Variants in HEPH observed in about 807,000 individuals in gnomAD.
The protein encoded by HEPH is hephaestin.
Under a neutral mutation model 80.8 loss-of-function variants are expected in HEPH, and 69 were observed. The ratio of observed to expected loss-of-function variants is 0.85; its 90% CI spans 0.70 to 1.04. The LOEUF is 1.04. HEPH is among the 50% of genes least tolerant of loss of function. HEPH has a pLI of 0.00. For synonymous variants in HEPH, 431 were observed against 322.8 expected (o/e 1.34, Z -3.60); for missense variants, 1,115 against 891.3 (o/e 1.25, Z -3.20).
At chrX:66,245,049 G>A (rs1189314082) in intron 15 of HEPH, among the ~76,000 whole-genome samples, 1 of 111,256 alleles carries the variant, frequency 9.0e-6, no homozygotes, top group East Asian at 2.8e-4. Flanking sequence ...AGACCATCAA[G>A]GCTAGGAAGA....
chrX:66,241,566 T>C, intron 15 of HEPH, among the ~76,000 whole-genome samples: 1 of 111,853 alleles, frequency 8.9e-6, no homozygotes, highest in African/African-American at 3.2e-5. Context: ...ATAACTATCC[T>C]AAACATAAAT....
chrX:66,178,732 A>G (rs1339267628), intron 4 of HEPH, among the ~76,000 whole-genome samples: 5 of 112,495 alleles, frequency 4.4e-5, no homozygotes, highest in African/African-American at 1.6e-4. Context: ...TTTTGGCTGC[A>G]TAAATGTCTT....
Position 66,203,375 on chromosome X carries a change from A to C in HEPH, c.2089A>C (p.Ile697Leu), listed in dbSNP as rs34562897. ...TGATCCTCCCTCAGGGACATTTGAG[A>C]TTTATTGCCAGGCAGGCAGCCATCG... ...MQPDNLGTFE[I>L]YCQAGSHREA... Residue 697 changes from isoleucine to leucine, a missense_variant, in exon 13 of 21, where the codon ATT becomes CTT. Physicochemically the swap from Ile to Leu is conservative, Grantham distance 5 (BLOSUM62 2). Transcript: ENST00000343002. The C allele has an allele frequency of 1.5e-3, 1,790 of 1,207,501 alleles. 5 individuals are homozygous for C. Among genetic ancestry groups the C allele is most frequent in the Non-Finnish European group, 1.8e-3 (1,590 of 894,367 alleles).
intron 9 of HEPH, 145 bp downstream of exon 9, chrX:66,195,374 A>C (rs1014934113): frequency 9.8e-5 from 37 of 377,817 alleles, no homozygotes; most frequent in Non-Finnish European, 1.4e-4. Context: ...ATAATATAAT[A>C]GTAAAACAGA....
chrX:66,222,618 A>T (rs780394918), intron 15 of HEPH, among the ~76,000 whole-genome samples: 1 of 112,008 alleles, frequency 8.9e-6, no homozygotes, highest in Non-Finnish European at 1.9e-5. Context: ...GGTCCACAGA[A>T]TGTTGGGCCA....
At chrX:66,207,044 A>T (rs912427675) in intron 13 of HEPH, 151 bp from the exon 14 acceptor site, 24 of 288,994 alleles carry the variant, frequency 8.3e-5, no homozygotes, top group East Asian at 2.2e-4. Context: ...AAATAAATTT[A>T]AAAAAAAGAA....
chrX:66,257,382 G>C (rs931265727), intron 17 of HEPH, among the ~76,000 whole-genome samples: 18 of 111,895 alleles, frequency 1.6e-4, no homozygotes, highest in African/African-American at 5.8e-4. Flanking sequence ...GTTTCTGAGT[G>C]CTAGCCCTGG....
chrX:66,264,382 C>T (rs1274662402), intron 20 of HEPH, among the ~76,000 whole-genome samples: 1 of 108,784 alleles, frequency 9.2e-6, no homozygotes, highest in African/African-American at 3.3e-5. Context: ...AGACTAGTTC[C>T]AACACCATAT....
At position 66,255,045 on chromosome X, in the gene HEPH, C is replaced by T; in HGVS notation, c.2574C>T (p.Val858=). The change falls in exon 16 of 21, where the codon GTC becomes GTT. Residue 858 remains valine, a synonymous_variant. Coordinates refer to ENST00000343002, the MANE Select transcript of HEPH (RefSeq NM_001367233.3). ...TTGTTACACTTCTAGGTGAGGTGGT[C>T]ACTTATCAGTGGAACATCCCAGAGA... ...WPLAAEPGEV[V]TYQWNIPERS... is the part of the protein sequence containing the mutation. The T allele has an allele frequency of 1.7e-6, 2 of 1,197,283 alleles. No individual in the cohort carries two copies. Among genetic ancestry groups the T allele is most frequent in the East Asian group, 6.0e-5 (2 of 33,554 alleles).
chrX:66,246,867 G>T (rs1387008001), intron 15 of HEPH, among the ~76,000 whole-genome samples: 1 of 112,037 alleles, frequency 8.9e-6, no homozygotes. Flanking sequence ...TGTGAGAGTG[G>T]AGTACATGAG....
At chrX:66,245,845 T>C (rs976767818) in intron 15 of HEPH, among the ~76,000 whole-genome samples, 1 of 112,304 alleles carries the variant, frequency 8.9e-6, no homozygotes, top group African/African-American at 3.2e-5. Flanking sequence ...ACCGCTCAAC[T>C]ACATGGAAAC....
chrX:66,241,739 T>C (rs7878769), intron 15 of HEPH, among the ~76,000 whole-genome samples: 1,136 of 111,310 alleles, frequency 0.01, 11 homozygotes, highest in African/African-American at 0.035. Context: ...GGACATAAAC[T>C]TGACATTCAA....
chrX:66,218,532 G>A (rs1322735490), intron 15 of HEPH, among the ~76,000 whole-genome samples: 1 of 111,774 alleles, frequency 8.9e-6, no homozygotes, highest in African/African-American at 3.3e-5. Context: ...AAACCTCTGG[G>A]ATACAATAGT....
chrX:66,267,999 T>C (rs1049270207), downstream of HEPH: 2 of 111,781 alleles, frequency 1.8e-5, no homozygotes, highest in Non-Finnish European at 3.8e-5. Context: ...AGCATTTTAA[T>C]TCTTGATTGC....
At chrX:66,242,562 C>T (rs916495651) in intron 15 of HEPH, among the ~76,000 whole-genome samples, 1 of 111,580 alleles carries the variant, frequency 9.0e-6, no homozygotes, top group African/African-American at 3.3e-5. Context: ...AAACTACCAA[C>T]AAAGGAAACA....
At position 66,266,562 on chromosome X, in the gene HEPH, G is replaced by A; in HGVS notation, c.3367G>A (p.Val1123Ile). 5 of 1,210,528 alleles carry A rather than the reference G, an allele frequency of 4.1e-6. No homozygotes were observed. The South Asian group carries it at 5.3e-5, about 13-fold the overall frequency. ...VAISVTLLLV[V>I]LALGGVVWYQ... is the part of the protein sequence containing the mutation. ...CATTAGTGTCACCCTTCTGCTCGTTGTTCTGGCTCTTGGTGGAGTGGTTTG... is the reference window on the plus strand; with the variant it reads ...CATTAGTGTCACCCTTCTGCTCGTTATTCTGGCTCTTGGTGGAGTGGTTTG... The change falls in exon 21 of 21, where the codon GTT (valine) becomes ATT (isoleucine). Residue 1123 changes from valine to isoleucine, a missense_variant. Physicochemically the swap from Val to Ile is conservative, Grantham distance 29. Around this residue, in one of 3 missense-constraint regions of HEPH, gnomAD observed 716 missense variants for 523.5 expected, o/e 1.37. Coordinates refer to ENST00000343002, the MANE Select transcript of HEPH (RefSeq NM_001367233.3).
intron 5 of HEPH, among the ~76,000 whole-genome samples, 191 bp downstream of exon 5, chrX:66,188,732 A>G (rs2087628261): frequency 8.9e-6 from 1 of 112,347 alleles, no homozygotes; most frequent in South Asian, 3.7e-4. Context: ...CAGCAGATAA[A>G]TGGCACAGCT....
At chrX:66,208,082 CTTTA>C (rs758957654) in intron 14 of HEPH, 29 bp from the exon 15 acceptor site, 72 of 1,087,076 alleles carry the variant, frequency 6.6e-5, no homozygotes, top group East Asian at 5.0e-4. Flanking sequence ...ATTAATGAAA[CTTTA>C]TTTATTTAAT....
At chrX:66,233,622 A>C (rs911523167) in intron 15 of HEPH, among the ~76,000 whole-genome samples, 4 of 110,937 alleles carry the variant, frequency 3.6e-5, no homozygotes, top group Non-Finnish European at 7.5e-5. Flanking sequence ...AAAAAAATTT[A>C]AGTAACTCAG....
Sources: allele counts gnomAD v4.1 joint callset (sites outside exome capture counted in the v4.1 genomes callset), GRCh38; gene constraint gnomAD v4.1.1; regional missense constraint gnomAD v4.1.1; transcripts MANE v1.5; gene names NCBI Gene and HGNC (gene_info 2026-07-23, HGNC 2026-07-21).